Variants in MCTP1 observed in about 807,000 individuals in gnomAD.
MCTP1 encodes multiple C2 and transmembrane domain-containing protein 1.
MCTP1 carries 69 observed loss-of-function variants against 120.6 expected under a neutral mutation model. The ratio of observed to expected loss-of-function variants is 0.57; its 90% CI spans 0.47 to 0.70. The LOEUF is 0.70. MCTP1 is among the 30% of genes least tolerant of loss of function. MCTP1 has a pLI of 0.00. For synonymous variants in MCTP1, 529 were observed against 493.1 expected (o/e 1.07, Z -0.96); for missense variants, 1,203 against 1,248.8 (o/e 0.96, Z 0.55).
Position 95,284,814 on chromosome 5 carries a change from C to G in MCTP1, c.-239G>C, listed in dbSNP as rs1760623958. Among the ~76,000 whole-genome samples the G allele has an allele frequency of 6.6e-6, 1 of 152,094 alleles. No individual in the cohort carries two copies. Among genetic ancestry groups the G allele is most frequent in the Non-Finnish European group, 1.5e-5 (1 of 67,992 alleles). ...GGACTCCGGCGCTGCCTCTTCCTCCCGCACCTGCTGGGGTGGGCTGGAGCC... is the reference window on the plus strand; with the variant it reads ...GGACTCCGGCGCTGCCTCTTCCTCCGGCACCTGCTGGGGTGGGCTGGAGCC... On this transcript the variant is annotated 5_prime_UTR_variant, in exon 1 of 23. Transcript: ENST00000515393. The surrounding 1 kb of genome is among the most constrained non-coding windows in gnomAD (Gnocchi z 5.2).
At chr5:95,270,333 G>A (rs1390088676) in intron 1 of MCTP1, among the ~76,000 whole-genome samples, 1 of 152,136 alleles carries the variant, frequency 6.6e-6, no homozygotes, top group Non-Finnish European at 1.5e-5. Flanking sequence ...ATCTCCTGTG[G>A]TTCAGTTTCC....
chr5:95,234,151 C>T (rs1455836055), intron 1 of MCTP1, among the ~76,000 whole-genome samples: 1 of 152,052 alleles, frequency 6.6e-6, no homozygotes, highest in African/African-American at 2.4e-5. Context: ...TGTCAACAAA[C>T]AAATCTTGGG....
At chr5:94,889,052 T>G (rs1801949638) in intron 11 of MCTP1, 80 bp from the exon 12 acceptor site, 2 of 946,156 alleles carry the variant, frequency 2.1e-6, no homozygotes, top group Non-Finnish European at 3.3e-6. Context: ...CATTACATTT[T>G]TTAGTTTATC....
intron 2 of MCTP1, among the ~76,000 whole-genome samples, chr5:95,007,126 G>C (rs309802): frequency 0.67 from 101,877 of 152,024 alleles, 34,709 homozygotes; most frequent in Middle Eastern, 0.78. Flanking sequence ...TGAGAAAAAG[G>C]GGGGAAAAGC....
intron 3 of MCTP1, among the ~76,000 whole-genome samples, chr5:94,952,837 C>T (rs1266141336): frequency 6.6e-6 from 1 of 152,074 alleles, no homozygotes; most frequent in Non-Finnish European, 1.5e-5. Flanking sequence ...TGCTTGCAGC[C>T]AGAAATGGCA....
chr5:94,777,985 G>GA (rs1468835248), intron 19 of MCTP1, among the ~76,000 whole-genome samples: 1 of 150,288 alleles, frequency 6.7e-6, no homozygotes, highest in African/African-American at 2.5e-5. Context: ...CATTGATTAG[G>GA]AAAAAAATCA....
intron 2 of MCTP1, among the ~76,000 whole-genome samples, chr5:94,987,516 G>C (rs1433727119): frequency 6.6e-6 from 1 of 152,128 alleles, no homozygotes; most frequent in Non-Finnish European, 1.5e-5. Context: ...TCAACTCTGG[G>C]AAAGTCAATA....
At chr5:94,811,237 C>T (rs1783348024) in intron 17 of MCTP1, among the ~76,000 whole-genome samples, 2 of 152,154 alleles carry the variant, frequency 1.3e-5, no homozygotes, top group African/African-American at 4.8e-5. Flanking sequence ...GTCTTTCTCC[C>T]ATTTATTTCT....
At chr5:94,731,406 C>T (rs190197437) in intron 19 of MCTP1, among the ~76,000 whole-genome samples, 44 of 152,094 alleles carry the variant, frequency 2.9e-4, no homozygotes, top group Non-Finnish European at 5.6e-4. Flanking sequence ...AGACTACTGC[C>T]TAGTATGTAG....
chr5:95,097,680 T>C (rs879900335), intron 1 of MCTP1, among the ~76,000 whole-genome samples: 3 of 152,218 alleles, frequency 2.0e-5, no homozygotes, highest in Non-Finnish European at 4.4e-5. Context: ...CAAGAGTGAA[T>C]GCGAGCCCAC....
chr5:95,000,167 C>T (rs548585703), intron 2 of MCTP1, among the ~76,000 whole-genome samples: 4 of 152,262 alleles, frequency 2.6e-5, no homozygotes, highest in African/African-American at 7.2e-5. Flanking sequence ...CAATGCATTA[C>T]ACACATATTT....
intron 6 of MCTP1, among the ~76,000 whole-genome samples, chr5:94,928,209 A>AACACACACACACACACACACACAC (rs60502360): frequency 6.7e-6 from 1 of 148,436 alleles, no homozygotes; most frequent in Non-Finnish European, 1.5e-5. Context: ...TCTAGGTTAA[A>AACACACACACACACACACACACAC]ACACACACAC....
intron 18 of MCTP1, among the ~76,000 whole-genome samples, chr5:94,782,158 T>G (rs1341720066): frequency 1.3e-5 from 2 of 152,148 alleles, no homozygotes; most frequent in Non-Finnish European, 1.5e-5. Context: ...ACAGTTCCTG[T>G]GTCAAAGGAA....
At chr5:95,200,107 G>A (rs1304960181) in intron 1 of MCTP1, among the ~76,000 whole-genome samples, 1 of 151,528 alleles carries the variant, frequency 6.6e-6, no homozygotes, top group Non-Finnish European at 1.5e-5. Flanking sequence ...GTTGCGGTGA[G>A]CCGAGATCGT....
chr5:95,161,246 G>C lies in MCTP1; in HGVS notation c.720+122610C>G, dbSNP rs184658796. 2.6e-3 allele frequency among the ~76,000 whole-genome samples: 394 copies of C among 152,244 alleles called. 4 individuals carry two copies. Among genetic ancestry groups the C allele is most frequent in the African/African-American group, 9.0e-3 (373 of 41,550 alleles). On this transcript the variant is annotated intron_variant, in intron 1 of 22. Transcript: ENST00000515393. ...GGAAATGTGGCTTATATGCATAATA[G>C]GATAGTATTCGGCCTCATAAAGGGG...
At chr5:94,958,256 CACA>C (rs1369406179) in intron 2 of MCTP1, among the ~76,000 whole-genome samples, 3 of 152,154 alleles carry the variant, frequency 2.0e-5, no homozygotes, top group East Asian at 3.8e-4. Context: ...ACCTTTGGGA[CACA>C]GCTAAAGCAG....
At chr5:95,112,099 T>C (rs1757500462) in intron 1 of MCTP1, among the ~76,000 whole-genome samples, 1 of 152,192 alleles carries the variant, frequency 6.6e-6, no homozygotes, top group Non-Finnish European at 1.5e-5. Flanking sequence ...CTCCCATGTG[T>C]AATGCCTTAC....
At chr5:94,819,103 A>ATTTT (rs1208110199) in intron 17 of MCTP1, among the ~76,000 whole-genome samples, 1 of 135,910 alleles carries the variant, frequency 7.4e-6, no homozygotes, top group Non-Finnish European at 1.6e-5. Flanking sequence ...TTATTTATTT[A>ATTTT]TTTATTTATT....
chr5:95,020,090 G>A (rs1230384423), intron 1 of MCTP1, among the ~76,000 whole-genome samples: 3 of 152,010 alleles, frequency 2.0e-5, no homozygotes, highest in Non-Finnish European at 2.9e-5. Flanking sequence ...AATAAAATCT[G>A]CAGGAAAAGG....
Sources: allele counts gnomAD v4.1 joint callset (sites outside exome capture counted in the v4.1 genomes callset), GRCh38; gene constraint gnomAD v4.1.1; non-coding constraint Gnocchi (gnomAD v3.1); transcripts MANE v1.5; gene names NCBI Gene and HGNC (gene_info 2026-07-23, HGNC 2026-07-21).